The following MDN1 variants were observed in gnomAD, a reference collection of about 807,000 sequenced individuals.
MDN1 encodes midasin.
A neutral mutation model predicts 669.2 loss-of-function variants in MDN1; 266 were observed. The observed-to-expected ratio is 0.40, with a 90% CI of 0.36 to 0.44. MDN1 has a LOEUF of 0.44. Ranked by LOEUF, MDN1 falls within the 20% of genes least tolerant of loss-of-function variation. The pLI, the probability that MDN1 is intolerant of heterozygous loss-of-function variation, is 1.00. For missense variants in MDN1, 5,940 were observed against 6,754.0 expected (o/e 0.88, Z 4.22); for synonymous variants, 2,385 against 2,457.1 (o/e 0.97, Z 0.87).
chr6:89,812,274 G>A (rs1332501481), intron 1 of MDN1, among the ~76,000 whole-genome samples: 4 of 150,508 alleles, frequency 2.7e-5, no homozygotes, highest in South Asian at 2.1e-4. Context: ...GTGAGCCACC[G>A]CGCCCAGCCA....
chr6:89,713,818 G>A (rs1814125665), intron 46 of MDN1, among the ~76,000 whole-genome samples: 1 of 152,074 alleles, frequency 6.6e-6, no homozygotes, highest in African/African-American at 2.4e-5. Flanking sequence ...GGAGGCCTAG[G>A]TGGGCGGATC....
In MDN1 at chr6:89,818,470, C is replaced by CA. The variant is rs869031436; in HGVS notation, c.102+1035dup. 1.3e-3 allele frequency among the ~76,000 whole-genome samples: 198 copies of CA among 148,720 alleles called. 2 individuals carry two copies. In the Middle Eastern group the frequency reaches 0.014, roughly 11 times the overall value. ...GCAACAAAGGGGGACCTTACAACTA[C>CA]AAAAAAAAAATTTTTTTTTTAATTA... On this transcript the variant is annotated intron_variant, in intron 1 of 101. Transcript: ENST00000369393.
intron 26 of MDN1, 50 bp from the exon 27 acceptor site, chr6:89,747,520 G>T (rs747698397): frequency 3.2e-6 from 5 of 1,570,172 alleles, no homozygotes; most frequent in East Asian, 4.5e-5. Flanking sequence ...GCAATGCATG[G>T]TAAGTTTTTA....
At position 89,753,191 on chromosome 6, in the gene MDN1, C is replaced by T. The variant is rs117806472; in HGVS notation, c.3075+321G>A. On this transcript the variant is annotated intron_variant, in intron 22 of 101. Transcript: ENST00000369393. Reference sequence around the variant, plus strand: ...ATAAGACAGTCCCACTTACATTAAACGCATATTACAATTTTTTACAATTTT... The same window carrying T: ...ATAAGACAGTCCCACTTACATTAAATGCATATTACAATTTTTTACAATTTT... Among the ~76,000 whole-genome samples, 234 of 151,856 alleles carry T rather than the reference C, an allele frequency of 1.5e-3. 1 individual carries two copies. Among genetic ancestry groups the T allele is most frequent in the Non-Finnish European group, 2.7e-3 (183 of 67,936 alleles).
intron 1 of MDN1, among the ~76,000 whole-genome samples, chr6:89,811,242 C>A (rs989358291): frequency 6.6e-6 from 1 of 151,994 alleles, no homozygotes; most frequent in Non-Finnish European, 1.5e-5. Flanking sequence ...GCCAGGCCTG[C>A]AAGAAAAGGG....
At chr6:89,783,799 C>G (rs923674723) in intron 9 of MDN1, among the ~76,000 whole-genome samples, 1 of 152,144 alleles carries the variant, frequency 6.6e-6, no homozygotes, top group South Asian at 2.1e-4. Flanking sequence ...CCAGCCAACA[C>G]TTATGGAAAA....
At chr6:89,649,881 A>T in intron 97 of MDN1, 143 bp downstream of exon 97, 1 of 853,764 alleles carries the variant, frequency 1.2e-6, no homozygotes, top group Non-Finnish European at 1.8e-6. Context: ...TTCTCAAAAC[A>T]GGCCTAACAG....
At chr6:89,814,034 T>G (rs961185518) in intron 1 of MDN1, among the ~76,000 whole-genome samples, 1 of 151,848 alleles carries the variant, frequency 6.6e-6, no homozygotes, top group Admixed American at 6.6e-5. Context: ...ACCTAGGATG[T>G]CAAGGCTACT....
intron 83 of MDN1, among the ~76,000 whole-genome samples, chr6:89,670,000 C>T (rs991428278): frequency 2.6e-5 from 4 of 151,066 alleles, no homozygotes; most frequent in East Asian, 2.0e-4. Context: ...GTCAGGAGAT[C>T]GAGACCGTCC....
At chr6:89,724,833 CTTTT>C (rs1179044890) in intron 38 of MDN1, among the ~76,000 whole-genome samples, 1 of 151,920 alleles carries the variant, frequency 6.6e-6, no homozygotes, top group Non-Finnish European at 1.5e-5. Context: ...TCTGTTCTTT[CTTTT>C]CTTTAGTTAA....
chr6:89,738,290 G>A, intron 33 of MDN1, 36 bp downstream of exon 33: 2 of 1,608,216 alleles, frequency 1.2e-6, no homozygotes, highest in African/African-American at 1.3e-5. Context: ...ACCCTTCTAT[G>A]ACCCAATACT....
At position 89,662,684 on chromosome 6, in the gene MDN1, A is replaced by G. The variant is rs1315516264; in HGVS notation, c.14412+108T>C. 3 of 1,271,230 alleles carry G rather than the reference A, an allele frequency of 2.4e-6. No individual in the cohort carries two copies. The Admixed American group carries it at 7.9e-5, about 33-fold the overall frequency. 78.7% of individuals were successfully genotyped at this position (1,271,230 alleles called of 1,614,324 possible). A position where few individuals can be genotyped will look rare whatever the true frequency, so the allele number is the denominator to read the frequency against. The stretch of plus-strand genomic sequence containing the variant: ...AGAAAAAGAGGAATAGAAAAAAGAG[A>G]ACAAAACAAATACAGAAAAAGAAGA... On this transcript the variant is annotated intron_variant, in intron 86 of 101. Transcript: ENST00000369393.
intron 100 of MDN1, among the ~76,000 whole-genome samples, chr6:89,645,782 G>A (rs889506634): frequency 1.3e-5 from 2 of 152,114 alleles, no homozygotes; most frequent in Non-Finnish European, 2.9e-5. Flanking sequence ...GTTGAGGGTG[G>A]GCTGTTTTAG....
chr6:89,656,580 G>GCAA (rs1199569733), intron 91 of MDN1, 120 bp downstream of exon 91: 2 of 798,860 alleles, frequency 2.5e-6, no homozygotes, highest in African/African-American at 3.5e-5. Context: ...CATATCTGAT[G>GCAA]CAACAACAAC....
chr6:89,743,859 G>T, intron 29 of MDN1, 145 bp from the exon 30 acceptor site: 1 of 812,800 alleles, frequency 1.2e-6, no homozygotes, highest in Non-Finnish European at 2.0e-6. Flanking sequence ...CTCAACCCCA[G>T]GCTCATGGCA....
Position 89,648,302 on chromosome 6 carries a change from C to T in MDN1, c.16234G>A (p.Gly5412Arg), listed in dbSNP as rs189486919. ...QLAFESLAVI[G>R]NALTLLEVGQ... is the part of the protein sequence containing the mutation. ...ACTTCCAGGAGGGTTAGAGCATTTCCAATCACAGCCAAAGATTCAAATGCA... is the reference window on the plus strand; with the variant it reads ...ACTTCCAGGAGGGTTAGAGCATTTCTAATCACAGCCAAAGATTCAAATGCA... The change falls in exon 98 of 102, where the codon GGA (glycine) becomes AGA (arginine). Residue 5412 changes from glycine to arginine, a missense_variant. By Grantham distance (125) the Gly-to-Arg change is moderately radical. Coordinates refer to ENST00000369393, the MANE Select transcript of MDN1 (RefSeq NM_014611.3). 2 of 1,614,110 alleles carry T rather than the reference C, an allele frequency of 1.2e-6. No individual in the cohort carries two copies. Among genetic ancestry groups the T allele is most frequent in the East Asian group, 2.2e-5 (1 of 44,874 alleles).
chr6:89,817,987 C>T (rs953455785), intron 1 of MDN1, among the ~76,000 whole-genome samples: 2 of 152,024 alleles, frequency 1.3e-5, no homozygotes, highest in Admixed American at 6.6e-5. Context: ...AAATTGGCCC[C>T]ACTCCCCAGA....
At chr6:89,790,643 G>C (rs539606020) in intron 5 of MDN1, among the ~76,000 whole-genome samples, 5 of 152,240 alleles carry the variant, frequency 3.3e-5, no homozygotes, top group African/African-American at 1.2e-4. Context: ...GGAGTTCAAG[G>C]ATAGTAAGCC....
chr6:89,664,730 G>A (rs1040603758), intron 84 of MDN1, 102 bp from the exon 85 acceptor site: 2 of 895,874 alleles, frequency 2.2e-6, no homozygotes, highest in South Asian at 2.1e-5. Context: ...AATATATCTG[G>A]GAGAGGAAAA....
Sources: gnomAD v4.1 joint callset for allele counts (sites outside exome capture counted in the v4.1 genomes callset) on GRCh38, gnomAD v4.1.1 for gene constraint, MANE v1.5 for transcripts, NCBI Gene and HGNC (gene_info 2026-07-23, HGNC 2026-07-21) for gene names.